The following CROCC variants were observed in gnomAD, a reference collection of about 807,000 sequenced individuals.
CROCC encodes the protein rootletin.
Under a neutral mutation model 245.2 loss-of-function variants are expected in CROCC, and 180 were observed. The ratio of observed to expected loss-of-function variants is 0.73; its 90% CI spans 0.65 to 0.83. The LOEUF (loss-of-function observed/expected upper bound fraction) is 0.83. Ranked by LOEUF, CROCC falls within the 40% of genes least tolerant of loss-of-function variation. The probability of loss-of-function intolerance (pLI) is 0.00; values close to 1 mark genes in which losing one functional copy is unlikely to be tolerated. For synonymous variants in CROCC, 1,205 were observed against 1,241.6 expected, an observed-to-expected ratio of 0.97 and a Z score of 0.62; for missense variants, 2,688 against 2,779.4, an observed-to-expected ratio of 0.97 and a Z score of 0.74.
At chr1:16,951,960 C>T (rs1180727266) in intron 20 of CROCC, 8 of 82,740 alleles carry the variant, frequency 9.7e-5, no homozygotes, top group Admixed American at 9.6e-4. Context: ...GGCGCAATCT[C>T]GGCTCACTGC....
rs548244433 is a variant in CROCC, at chr1:16,946,283, G to C, written c.2161G>C (p.Glu721Gln). 5 of 1,613,300 alleles carry C rather than the reference G, an allele frequency of 3.1e-6. No individual in the cohort carries two copies. The highest frequency in any genetic ancestry group is 2.2e-5 in the South Asian group (2 of 91,056). ...GGCTGAGGCTGGCCGCGTGGAGCTC[G>C]AGCTCTCCATGACCAAGCTGAGGGC... The part of the protein sequence containing the change: ...TKAEAGRVEL[E>Q]LSMTKLRAEE... Residue 721 changes from glutamate to glutamine, a missense_variant, in exon 16 of 37, where the codon GAG (glutamate) becomes CAG (glutamine). By Grantham distance (29) the Glu-to-Gln change is conservative (BLOSUM62 2). This residue lies in a region of CROCC where 295 missense variants were observed against 241.7 expected (regional missense o/e 1.22). Coordinates refer to ENST00000375541, the MANE Select transcript of CROCC (RefSeq NM_014675.5).
rs190671567 is a variant in CROCC at position 16,938,374 on chromosome 1, C to T, written c.1291-26C>T. Reference sequence around the variant, plus strand: ...TCAGATAAGACAGAACCCCAACCACCCTTTGTCTCCCTAACCGCACTCCAG... The same window carrying T: ...TCAGATAAGACAGAACCCCAACCACTCTTTGTCTCCCTAACCGCACTCCAG... On this transcript the variant is annotated intron_variant, in intron 10 of 36. Coordinates refer to ENST00000375541, the MANE Select transcript of CROCC (RefSeq NM_014675.5). 51 of 1,544,672 alleles carry T rather than the reference C, an allele frequency of 3.3e-5. No individual in the cohort carries two copies. The East Asian group carries it at 8.0e-4, about 24-fold the overall frequency.
chr1:16,932,885 T>A (rs1278692100), intron 8 of CROCC, among the ~76,000 whole-genome samples: 1 of 152,286 alleles, frequency 6.6e-6, no homozygotes, highest in East Asian at 1.9e-4. Flanking sequence ...TCTTTATGGC[T>A]CACTACAGCC....
intron 8 of CROCC, among the ~76,000 whole-genome samples, chr1:16,933,984 T>C (rs2075735042): frequency 6.6e-6 from 1 of 152,288 alleles, no homozygotes; most frequent in East Asian, 1.9e-4. Context: ...CATGTTTCTT[T>C]ATCCCATGTA....
At chr1:16,964,688 TTTC>T in intron 27 of CROCC, among the ~76,000 whole-genome samples, 1 of 151,134 alleles carries the variant, frequency 6.6e-6, no homozygotes, top group South Asian at 2.1e-4. Context: ...CAGTCTTTTC[TTTC>T]TTCTTTTTTT....
chr1:16,929,936 C>T lies in CROCC; in HGVS notation c.442C>T (p.Leu148=). ...GCAGAGCGTGGAGTTGCGGAGGCAGCTGCAGGAGGAGCAGGCCTCCTACCG... is the reference window on the plus strand; with the variant it reads ...GCAGAGCGTGGAGTTGCGGAGGCAGTTGCAGGAGGAGCAGGCCTCCTACCG... The part of the protein sequence containing the change: ...VRQSVELRRQ[L]QEEQASYRRK... The change falls in exon 4 of 37, where the codon CTG becomes TTG. Residue 148 remains leucine (L), a synonymous_variant. Coordinates refer to ENST00000375541, the MANE Select transcript of CROCC (RefSeq NM_014675.5). 6.3e-7 allele frequency: 1 copy of T among 1,588,016 alleles called. No homozygotes were observed.
In CROCC at chr1:16,936,739, C is replaced by T. The variant is rs143794023; in HGVS notation, c.1059C>T (p.Ala353=). 37 of 1,609,504 alleles carry T rather than the reference C, an allele frequency of 2.3e-5. No homozygotes were observed. The highest frequency in any genetic ancestry group is 1.8e-4 in the East Asian group (8 of 44,808). Residue 353 remains alanine (A), a synonymous_variant, in exon 9 of 37, where the codon GCC becomes GCT. Coordinates refer to ENST00000375541, the MANE Select transcript of CROCC (RefSeq NM_014675.5). ...STGLRLAESR[A]EAALEKQALL... ...GCCTACGGCTGGCAGAGAGCCGGGCCGAGGCAGCCCTGGAGAAACAGGCCC... is the reference window on the plus strand; with the variant it reads ...GCCTACGGCTGGCAGAGAGCCGGGCTGAGGCAGCCCTGGAGAAACAGGCCC...
chr1:16,922,872 G>A, intron 2 of CROCC, 74 bp downstream of exon 2: 1 of 1,549,488 alleles, frequency 6.5e-7, no homozygotes, highest in Non-Finnish European at 8.7e-7. Context: ...TTCCTGAGCA[G>A]TCACCATGAT....
At chr1:16,931,868 T>C (rs2075684825) in intron 8 of CROCC, among the ~76,000 whole-genome samples, 1 of 152,238 alleles carries the variant, frequency 6.6e-6, no homozygotes, top group Non-Finnish European at 1.5e-5. Context: ...GCAATTCTCC[T>C]GCCTCAGCCT....
At position 16,956,078 on chromosome 1, in the gene CROCC, G is replaced by A. The variant is rs2273114; in HGVS notation, c.3786G>A (p.Gly1262=). 0.13 allele frequency: 204,607 copies of A among 1,550,918 alleles called. 14,596 individuals carry two copies. The highest frequency in any genetic ancestry group is 0.21 in the South Asian group (17,999 of 84,052). The change falls in exon 25 of 37, where the codon GGG becomes GGA. Residue 1262 remains glycine (G), a synonymous_variant. Transcript: ENST00000375541. ...EARTAVGKEA[G]ELRTGLQEVE... ...GGACAGCTGTGGGCAAGGAGGCCGG[G>A]GAGCTGCGAACTGGGCTGCAGGAGG...
chr1:16,914,132 G>A (rs1435622347), intron 1 of CROCC, among the ~76,000 whole-genome samples: 10 of 98,042 alleles, frequency 1.0e-4, no homozygotes, highest in African/African-American at 2.7e-4. Context: ...GCGAAGGCGC[G>A]CGAAGGTAGG....
At chr1:16,914,100 G>C (rs1174681940) in intron 1 of CROCC, among the ~76,000 whole-genome samples, 2 of 151,560 alleles carry the variant, frequency 1.3e-5, no homozygotes, top group East Asian at 1.9e-4. Context: ...CGGCCCGCTC[G>C]GCCTCGGCAG....
At chr1:16,944,010 T>A in intron 13 of CROCC, 90 bp from the exon 14 acceptor site, 2 of 1,313,864 alleles carry the variant, frequency 1.5e-6, no homozygotes, top group East Asian at 5.1e-5. Flanking sequence ...GACTGGAGGA[T>A]GTAGCTCATG....
rs374760999 is a variant in CROCC at position 16,936,826 on chromosome 1, G to C, written c.1146G>C (p.Ala382=). Residue 382 remains alanine (A), a synonymous_variant, in exon 9 of 37, where the codon GCG becomes GCC. Transcript: ENST00000375541. The stretch of plus-strand genomic sequence containing the variant: ...AGGTGCTCCGCGAGAAGGACCTGGC[G>C]CAGCAGCAGATGCAAAGCGACCTGG... ...RDKVLREKDL[A]QQQMQSDLDK... 10 of 1,612,186 alleles carry C rather than the reference G, an allele frequency of 6.2e-6. No homozygotes were observed. The African/African-American group carries it at 6.7e-5, about 11-fold the overall frequency.
chr1:16,968,376 A>G lies in CROCC; in HGVS notation c.5034A>G (p.Gln1678=), dbSNP rs747518694. The G allele has an allele frequency of 1.3e-6, 2 of 1,521,164 alleles. No individual in the cohort carries two copies. Among genetic ancestry groups the G allele is most frequent in the Non-Finnish European group, 1.8e-6 (2 of 1,133,562 alleles). The allele number at this position is 1,521,164 out of a possible 1,614,324, so 94.2% of individuals were successfully genotyped here. A position where few individuals can be genotyped will look rare whatever the true frequency, so the allele number is the denominator to read the frequency against. The change falls in exon 31 of 37, where the codon CAA becomes CAG. Residue 1678 remains glutamine (Q), a synonymous_variant. Transcript: ENST00000375541. The stretch of plus-strand genomic sequence containing the variant: ...TGGGCCTCAGTGACCGCGAGGCCCA[A>G]GCCCAGGCCCTCCAGGATCGGGTGG... ...SRLGLSDREA[Q]AQALQDRVDS...
In CROCC at chr1:16,929,427, C is replaced by CA. The variant is rs1315034717; in HGVS notation, c.352-413dup. ...TCTAGTACTAAGATACAATGAGGAA[C>CA]AAAAAATCCAGGCTTTCCTGAGCTC... On this transcript the variant is annotated intron_variant, in intron 3 of 36. Transcript: ENST00000375541. Among the ~76,000 whole-genome samples, 3 of 97,070 alleles carry CA rather than the reference C, an allele frequency of 3.1e-5. No homozygotes were observed. In the East Asian group the frequency reaches 1.1e-3, roughly 37 times the overall value. 63.7% of individuals were successfully genotyped at this position (97,070 alleles called of 152,430 possible). A position where few individuals can be genotyped will look rare whatever the true frequency, so the allele number is the denominator to read the frequency against.
At chr1:16,970,532 T>C in intron 34 of CROCC, 79 bp downstream of exon 34, 1 of 1,477,420 alleles carries the variant, frequency 6.8e-7, no homozygotes, top group East Asian at 2.4e-5. Context: ...CCCCAGGGTC[T>C]GCTACCTCTG....
intron 10 of CROCC, among the ~76,000 whole-genome samples, chr1:16,938,182 G>C (rs6586575): frequency 1 from 152,324 of 152,330 alleles, 76,159 homozygotes; most frequent in Middle Eastern, 1. Context: ...CGGCTCTCCT[G>C]CAATCGACTG....
At chr1:16,956,874 A>G (rs2076257610) in intron 25 of CROCC, among the ~76,000 whole-genome samples, 1 of 152,176 alleles carries the variant, frequency 6.6e-6, no homozygotes, top group Admixed American at 6.5e-5. Context: ...CCTGCTGTCT[A>G]CTGGGCACTG....
Sources: gnomAD v4.1 joint callset for allele counts (sites outside exome capture counted in the v4.1 genomes callset) on GRCh38, gnomAD v4.1.1 for gene constraint, gnomAD v4.1.1 regional missense constraint, MANE v1.5 for transcripts, NCBI Gene and HGNC (gene_info 2026-07-23, HGNC 2026-07-21) for gene names.